MMP26: variants seen among roughly 807,000 people sequenced by gnomAD.
The protein encoded by MMP26 is matrix metallopeptidase 26.
A neutral mutation model predicts 31.0 loss-of-function variants in MMP26; 33 were observed. The observed-to-expected ratio is 1.06, with a 90% CI of 0.81 to 1.42. The LOEUF (loss-of-function observed/expected upper bound fraction) is 1.42, where lower values mean the gene tolerates loss of function less well. Among genes scored for constraint, MMP26 ranks in the 40% most tolerant of loss-of-function variants. MMP26 has a pLI of 0.00. For synonymous variants in MMP26, 122 were observed against 114.9 expected (o/e 1.06, Z -0.40); for missense variants, 347 against 316.1 (o/e 1.10, Z -0.74).
At chr11:4,945,147 A>T (rs1285558394) in intron 2 of MMP26, 1 of 152,182 alleles carries the variant, frequency 6.6e-6, no homozygotes. Context: ...AAGAGACAAA[A>T]GATGAAAGAA....
At chr11:4,962,722 C>T (rs1032387884) in intron 2 of MMP26, among the ~76,000 whole-genome samples, 3 of 152,106 alleles carry the variant, frequency 2.0e-5, no homozygotes, top group Admixed American at 1.3e-4. Flanking sequence ...CTCTGGACTT[C>T]GATCCTGCAT....
chr11:4,812,246 A>G (rs1849360040), intron 2 of MMP26, among the ~76,000 whole-genome samples: 1 of 152,188 alleles, frequency 6.6e-6, no homozygotes, highest in Non-Finnish European at 1.5e-5. Context: ...ATGTATATGT[A>G]TATGTGTAAT....
At chr11:4,732,555 A>G (rs1256398689) in intron 1 of MMP26, among the ~76,000 whole-genome samples, 3 of 136,484 alleles carry the variant, frequency 2.2e-5, no homozygotes, top group Non-Finnish European at 4.9e-5. Context: ...AAAAAAAAAA[A>G]AAAAAAGAAA....
rs151076376 is a variant in MMP26 at position 4,882,804 on chromosome 11, G to A, written c.-144-105264G>A. 2.0e-4 allele frequency: 323 copies of A among 1,613,628 alleles called. No individual in the cohort carries two copies. The highest frequency in any genetic ancestry group is 5.3e-4 in the Admixed American group (32 of 59,948). Reference sequence around the variant, plus strand: ...TACAGCTTGAAGACCAAGACAATCCGCCAGGCTATGTTCCAGCTGCTCCAA... The same window carrying A: ...TACAGCTTGAAGACCAAGACAATCCACCAGGCTATGTTCCAGCTGCTCCAA... On this transcript the variant is annotated intron_variant, in intron 2 of 7. Coordinates refer to ENST00000380390, the MANE Select transcript of MMP26 (RefSeq NM_021801.5).
intron 2 of MMP26, chr11:4,877,033 T>C (rs1850389494): frequency 6.5e-6 from 1 of 152,802 alleles, no homozygotes; most frequent in African/African-American, 2.4e-5. Context: ...GGGGCTGTGC[T>C]CCCTGTGCCT....
intron 2 of MMP26, among the ~76,000 whole-genome samples, chr11:4,814,471 G>A (rs1414797774): frequency 6.6e-6 from 1 of 152,160 alleles, no homozygotes; most frequent in Non-Finnish European, 1.5e-5. Flanking sequence ...GAAGTATGAA[G>A]CGCTTCATAA....
chr11:4,924,066 T>TG (rs754290853), intron 2 of MMP26: 2 of 1,613,988 alleles, frequency 1.2e-6, no homozygotes, highest in Non-Finnish European at 1.7e-6. Context: ...CCAATCTCTC[T>TG]GGTATCAAAC....
chr11:4,967,034 A>T (rs994371801), intron 2 of MMP26, among the ~76,000 whole-genome samples: 1 of 152,172 alleles, frequency 6.6e-6, no homozygotes, highest in African/African-American at 2.4e-5. Flanking sequence ...TGAGTGGTTC[A>T]CACACCAGCA....
At chr11:4,929,705 T>G (rs1232009620) in intron 2 of MMP26, among the ~76,000 whole-genome samples, 1 of 152,168 alleles carries the variant, frequency 6.6e-6, no homozygotes, top group East Asian at 1.9e-4. Context: ...ATGTTAATTC[T>G]GACTCATTAT....
intron 2 of MMP26, among the ~76,000 whole-genome samples, chr11:4,964,278 G>T (rs1846560310): frequency 6.6e-6 from 1 of 152,034 alleles, no homozygotes; most frequent in Admixed American, 6.6e-5. Context: ...ATCTTGAGTT[G>T]ATTTTTATAT....
Position 4,982,079 on chromosome 11 carries a change from T to TAC in MMP26, c.-144-5983_-144-5982dup, listed in dbSNP as rs1405786409. On this transcript the variant is annotated intron_variant, in intron 2 of 7. Transcript: ENST00000380390. ...ATATGTATGTATGTATATATATATA[T>TAC]ACACACAATATACATACATACATAT... Among the ~76,000 whole-genome samples, 36 of 151,618 alleles carry TAC rather than the reference T, an allele frequency of 2.4e-4. No individual in the cohort carries two copies. The East Asian group carries it at 4.7e-3, about 20-fold the overall frequency.
At chr11:4,745,839 A>G (rs1038223107) in intron 1 of MMP26, among the ~76,000 whole-genome samples, 1 of 152,204 alleles carries the variant, frequency 6.6e-6, no homozygotes, top group Non-Finnish European at 1.5e-5. Context: ...CCAGGATGTC[A>G]TATAGTTGGA....
rs1257840957 is a variant in MMP26 at position 4,934,022 on chromosome 11, C to T, written c.-144-54046C>T. Among the ~76,000 whole-genome samples, 100 of 142,448 alleles carry T rather than the reference C, an allele frequency of 7.0e-4. 2 individuals are homozygous for T. The highest frequency in any genetic ancestry group is 1.7e-3 in the South Asian group (7 of 4,196). The allele number at this position is 142,448 out of a possible 152,430, so 93.5% of individuals were successfully genotyped here. A position where few individuals can be genotyped will look rare whatever the true frequency, so the allele number is the denominator to read the frequency against. ...AAGTCTTTGCTATTGTGAATAATGC[C>T]GCAATAAACATACGTGTGCATGTGT... On this transcript the variant is annotated intron_variant, in intron 2 of 7. Transcript: ENST00000380390.
At chr11:4,863,303 C>T (rs769987222) in intron 2 of MMP26, among the ~76,000 whole-genome samples, 4 of 151,900 alleles carry the variant, frequency 2.6e-5, no homozygotes, top group Non-Finnish European at 5.9e-5. Context: ...CAGACCCTTC[C>T]TTTCTCTATC....
At chr11:4,709,904 G>A (rs1847836471) in intron 1 of MMP26, 1 of 456,810 alleles carries the variant, frequency 2.2e-6, no homozygotes, top group Non-Finnish European at 4.4e-6. Flanking sequence ...TCACATTCAT[G>A]GAGTCCTCAG....
At chr11:4,882,072 A>G (rs567802997) in intron 2 of MMP26, 4 of 1,613,970 alleles carry the variant, frequency 2.5e-6, no homozygotes, top group African/African-American at 2.7e-5. Context: ...CGGAGACTCC[A>G]CAAACCCATG....
At chr11:4,844,624 A>T (rs981824559) in intron 2 of MMP26, among the ~76,000 whole-genome samples, 36 of 152,350 alleles carry the variant, frequency 2.4e-4, no homozygotes, top group African/African-American at 8.4e-4. Context: ...AAATCAATCA[A>T]TGGGATACAT....
chr11:4,907,993 G>A (rs1273100283), intron 2 of MMP26: 8 of 1,614,122 alleles, frequency 5.0e-6, no homozygotes, highest in Non-Finnish European at 6.8e-6. Context: ...GTACTATGCT[G>A]GACTTGGCAC....
In MMP26 at chr11:4,793,643, A is replaced by T. The variant is rs1849062863; in HGVS notation, c.-145+26302A>T. On this transcript the variant is annotated intron_variant, in intron 2 of 7. Transcript: ENST00000380390. ...AGGGTTTACATCCTGAGAATTACTC[A>T]CATAGATTATTTCATGAAATTTTCC... 7 of 152,202 alleles carry T rather than the reference A, an allele frequency of 4.6e-5. No individual in the cohort carries two copies. In the South Asian group the frequency reaches 1.2e-3, roughly 27 times the overall value. 9.4% of individuals were successfully genotyped at this position (152,202 alleles called of 1,614,324 possible).
Sources: allele counts gnomAD v4.1 joint callset (sites outside exome capture counted in the v4.1 genomes callset), GRCh38; gene constraint gnomAD v4.1.1; transcripts MANE v1.5; gene names NCBI Gene and HGNC (gene_info 2026-07-23, HGNC 2026-07-21).